ANKRD36C: variants seen among roughly 807,000 people sequenced by gnomAD.
ANKRD36C encodes ankyrin repeat domain 36C.
In ANKRD36C, 61 loss-of-function variants were observed where a neutral mutation model predicts 276.4. The ratio of observed to expected loss-of-function variants is 0.22; its 90% CI spans 0.18 to 0.27. The LOEUF is 0.27. Among genes scored for constraint, ANKRD36C ranks in the 10% least tolerant of loss-of-function variants. ANKRD36C has a pLI of 1.00. For synonymous variants in ANKRD36C, 483 were observed against 680.1 expected, an observed-to-expected ratio of 0.71 and a Z score of 4.51; for missense variants, 1,447 against 2,032.3, an observed-to-expected ratio of 0.71 and a Z score of 5.54.
chr2:95,880,946 A>C (rs1203711333), intron 56 of ANKRD36C, among the ~76,000 whole-genome samples: 2 of 152,224 alleles, frequency 1.3e-5, no homozygotes, highest in African/African-American at 4.8e-5. Context: ...GCAAGTCATA[A>C]CCCTAGAAAT....
intron 39 of ANKRD36C, 26 bp from the exon 42 acceptor site, chr2:95,914,206 T>A: frequency 1.3e-6 from 2 of 1,571,122 alleles, no homozygotes; most frequent in African/African-American, 2.7e-5. Context: ...AATGAAATAA[T>A]AAGTTAATAA....
In ANKRD36C at chr2:95,882,662, G is replaced by A. The variant is rs576234919; in HGVS notation, c.3266-165C>T. ...GGACAGGAACATGAGGAAATACACT[G>A]AAGAAAATAGGAATACACGCTTCCA... On this transcript the variant is annotated intron_variant, in intron 54 of 66. Coordinates refer to ENST00000456556, the Ensembl canonical transcript of ANKRD36C. 1.8e-3 allele frequency among the ~76,000 whole-genome samples: 280 copies of A among 152,188 alleles called. 3 individuals carry two copies. Among genetic ancestry groups the A allele is most frequent in the Non-Finnish European group, 2.6e-3 (177 of 67,998 alleles).
At chr2:95,964,522 C>T (rs1352090771) in intron 6 of ANKRD36C, among the ~76,000 whole-genome samples, 3 of 152,056 alleles carry the variant, frequency 2.0e-5, no homozygotes, top group African/African-American at 7.2e-5. Flanking sequence ...GACATTTGTA[C>T]AATCCCATTC....
intron 59 of ANKRD36C, among the ~76,000 whole-genome samples, chr2:95,871,858 G>C (rs1437487925): frequency 1.3e-5 from 2 of 150,598 alleles, no homozygotes; most frequent in Non-Finnish European, 1.5e-5. Context: ...AAAGGCAGGG[G>C]TTGCAATCCT....
chr2:95,917,790 T>C, intron 36 of ANKRD36C, 65 bp downstream of exon 38: 1 of 1,536,990 alleles, frequency 6.5e-7, no homozygotes, highest in East Asian at 2.4e-5. Flanking sequence ...GCTGATTTAT[T>C]CAGGGTAGAG....
At position 95,912,115 on chromosome 2, in the gene ANKRD36C, T is replaced by A. The variant is rs112348501; in HGVS notation, c.2653+129A>T. ...GCATCAGCATAACCCAAGAACTTAT[T>A]AGAAATGAAGAATCTCAGGCCTGCT... is the stretch of plus-strand genomic sequence containing the variant. On this transcript the variant is annotated intron_variant, in intron 42 of 66. Transcript: ENST00000456556. The A allele has an allele frequency of 6.0e-6, 8 of 1,338,108 alleles. No individual in the cohort carries two copies. The East Asian group carries it at 2.0e-4, about 34-fold the overall frequency. 82.9% of individuals were successfully genotyped at this position (1,338,108 alleles called of 1,614,324 possible). A position where few individuals can be genotyped will look rare whatever the true frequency, so the allele number is the denominator to read the frequency against.
intron 17 of ANKRD36C, among the ~76,000 whole-genome samples, 200 bp downstream of exon 17, chr2:95,948,330 T>C (rs1678108530): frequency 6.6e-6 from 1 of 152,206 alleles, no homozygotes; most frequent in African/African-American, 2.4e-5. Flanking sequence ...TCTCAAAGTA[T>C]TTATCAACTA....
chr2:95,987,927 A>G (rs1168835717), intron 1 of ANKRD36C, among the ~76,000 whole-genome samples: 6 of 152,130 alleles, frequency 3.9e-5, no homozygotes, highest in Non-Finnish European at 2.9e-5. Flanking sequence ...ATAAGCTACT[A>G]TTCTCTTATA....
chr2:95,937,242 A>G (rs1041398808), intron 22 of ANKRD36C, among the ~76,000 whole-genome samples: 2 of 152,306 alleles, frequency 1.3e-5, no homozygotes, highest in African/African-American at 4.8e-5. Flanking sequence ...CTGCAATTAC[A>G]ATGACATAGT....
Position 95,912,395 on chromosome 2 carries a change from G to A in ANKRD36C, c.2580+12C>T, listed in dbSNP as rs1420113672. 6.2e-7 allele frequency: 1 copy of A among 1,603,994 alleles called. No individual in the cohort carries two copies. Among genetic ancestry groups the A allele is most frequent in the Admixed American group, 1.7e-5 (1 of 59,738 alleles). On this transcript the variant is annotated intron_variant, in intron 41 of 66. Transcript: ENST00000456556. ...GTTTACTAGCTCACAATATGAATGA[G>A]AGTTTCATTACCTTCAAGGCTGGTT...
chr2:95,921,918 T>G, intron 32 of ANKRD36C, 108 bp from the exon 33 acceptor site: 2 of 1,188,624 alleles, frequency 1.7e-6, no homozygotes. Context: ...TAGTGTAGGC[T>G]TTGATGTTTT....
exon 63 of ANKRD36C, chr2:95,855,320 C>G: frequency 6.2e-7 from 1 of 1,608,468 alleles, no homozygotes; most frequent in Non-Finnish European, 8.5e-7. Context: ...TCGAATGATT[C>G]AATTCATTCA....
intron 61 of ANKRD36C, among the ~76,000 whole-genome samples, chr2:95,858,197 C>G (rs1675469522): frequency 6.6e-6 from 1 of 151,936 alleles, no homozygotes; most frequent in Admixed American, 6.6e-5. Context: ...CTCCTGAGGG[C>G]TGTGTCGGGG....
chr2:95,866,862 C>T (rs1466255422), intron 60 of ANKRD36C, among the ~76,000 whole-genome samples: 1 of 152,088 alleles, frequency 6.6e-6, no homozygotes. Flanking sequence ...CATGTGTGCA[C>T]TGTATCGCAT....
chr2:95,988,820 T>C (rs1389369340), intron 1 of ANKRD36C, among the ~76,000 whole-genome samples: 1 of 152,058 alleles, frequency 6.6e-6, no homozygotes, highest in African/African-American at 2.4e-5. Context: ...AATAAAAATA[T>C]TCCCTCTGCC....
intron 54 of ANKRD36C, among the ~76,000 whole-genome samples, chr2:95,882,811 G>A (rs1225437610): frequency 1.3e-5 from 2 of 152,126 alleles, no homozygotes; most frequent in Non-Finnish European, 2.9e-5. Context: ...TAAAATCAGA[G>A]GAGCAACTCA....
chr2:95,894,159 A>C (rs1467281536), intron 44 of ANKRD36C: 2 of 218,580 alleles, frequency 9.1e-6, no homozygotes, highest in African/African-American at 2.4e-5. Context: ...TGCTCTTTAA[A>C]CTGCCAATAA....
intron 10 of ANKRD36C, among the ~76,000 whole-genome samples, chr2:95,959,305 T>C (rs1224388479): frequency 7.3e-5 from 11 of 151,566 alleles, no homozygotes; most frequent in Non-Finnish European, 1.0e-4. Flanking sequence ...GGAAGTGTTC[T>C]GAATTGATCA....
At chr2:95,873,688 C>T (rs1222439423) in intron 59 of ANKRD36C, among the ~76,000 whole-genome samples, 1 of 152,202 alleles carries the variant, frequency 6.6e-6, no homozygotes, top group South Asian at 2.1e-4. Context: ...GGCCATTAGG[C>T]AGGAGAAGGA....
Sources: gnomAD v4.1 joint callset for allele counts (sites outside exome capture counted in the v4.1 genomes callset) on GRCh38, gnomAD v4.1.1 for gene constraint, MANE v1.5 for transcripts, NCBI Gene and HGNC (gene_info 2026-07-23, HGNC 2026-07-21) for gene names.